Variants in CUL2 observed in about 807,000 individuals in gnomAD.
CUL2 encodes the protein cullin 2.
CUL2 carries 22 observed loss-of-function variants against 110.2 expected under a neutral mutation model. That is an observed-to-expected ratio of 0.20 (90% confidence interval 0.14 to 0.28). The LOEUF (loss-of-function observed/expected upper bound fraction) is 0.28, where lower values mean the gene tolerates loss of function less well. Ranked by LOEUF, CUL2 falls within the 10% of genes least tolerant of loss-of-function variation. The pLI, the probability that CUL2 is intolerant of heterozygous loss-of-function variation, is 1.00. For missense variants in CUL2, 631 were observed against 905.5 expected (o/e 0.70, Z 3.89); for synonymous variants, 279 against 293.2 (o/e 0.95, Z 0.49).
chr10:35,059,939 A>G (rs1384601684), intron 4 of CUL2, among the ~76,000 whole-genome samples: 1 of 152,216 alleles, frequency 6.6e-6, no homozygotes, highest in African/African-American at 2.4e-5. Context: ...AACATTTACT[A>G]AAAGTTCACA....
intron 5 of CUL2, among the ~76,000 whole-genome samples, chr10:35,050,869 C>T (rs2086085301): frequency 6.6e-6 from 1 of 152,234 alleles, no homozygotes; most frequent in African/African-American, 2.4e-5. Flanking sequence ...ACTGAACAAT[C>T]AAGTGCTCAT....
chr10:35,052,563 GA>G (rs2134863608), intron 5 of CUL2, among the ~76,000 whole-genome samples: 1 of 152,234 alleles, frequency 6.6e-6, no homozygotes, highest in African/African-American at 2.4e-5. Flanking sequence ...ATGAATAAAT[GA>G]ATAGTGGTGT....
chr10:35,088,709 A>G (rs115467743), intron 1 of CUL2, among the ~76,000 whole-genome samples: 385 of 152,264 alleles, frequency 2.5e-3, no homozygotes, highest in African/African-American at 8.9e-3. Flanking sequence ...CTTCACATTT[A>G]TAGAACACTG....
intron 1 of CUL2, among the ~76,000 whole-genome samples, chr10:35,121,008 C>A (rs1199606528): frequency 1.3e-5 from 2 of 152,140 alleles, no homozygotes; most frequent in Non-Finnish European, 2.9e-5. Flanking sequence ...TCCTTCATAT[C>A]CCTTTCTAAG....
chr10:35,048,436 A>T (rs1347411463), intron 6 of CUL2, among the ~76,000 whole-genome samples: 1 of 152,248 alleles, frequency 6.6e-6, no homozygotes, highest in African/African-American at 2.4e-5. Flanking sequence ...CTAAAAATTT[A>T]CTAGGTTGGG....
intron 1 of CUL2, among the ~76,000 whole-genome samples, chr10:35,107,299 A>G (rs1399467985): frequency 6.6e-6 from 1 of 152,094 alleles, no homozygotes; most frequent in Non-Finnish European, 1.5e-5. Context: ...TTGAAAGCAG[A>G]GTGATTATGA....
At chr10:35,098,768 TA>T (rs974345834) in intron 2 of CUL2, among the ~76,000 whole-genome samples, 1 of 150,812 alleles carries the variant, frequency 6.6e-6, no homozygotes, top group Non-Finnish European at 1.5e-5. Flanking sequence ...CCATCTCTAC[TA>T]AAAAAAACCA....
chr10:35,098,728 C>T (rs1048110443), intron 2 of CUL2, among the ~76,000 whole-genome samples: 3 of 151,424 alleles, frequency 2.0e-5, no homozygotes, highest in African/African-American at 2.4e-5. Flanking sequence ...GTCAGGAGTT[C>T]GAGACCAACC....
chr10:35,027,651 G>A (rs542542461), intron 16 of CUL2, among the ~76,000 whole-genome samples: 3 of 152,008 alleles, frequency 2.0e-5, no homozygotes, highest in Non-Finnish European at 4.4e-5. Context: ...TCATCACTAA[G>A]GCAGGATGGA....
chr10:35,029,004 T>C (rs1441520212), intron 15 of CUL2, 117 bp from the exon 16 acceptor site: 14 of 640,734 alleles, frequency 2.2e-5, no homozygotes, highest in Non-Finnish European at 3.2e-5. Flanking sequence ...AAAATGTTGA[T>C]GAAATCTGAG....
At chr10:35,020,901 C>T (rs1564698197) in intron 17 of CUL2, among the ~76,000 whole-genome samples, 2 of 151,828 alleles carry the variant, frequency 1.3e-5, no homozygotes, top group African/African-American at 4.8e-5. Context: ...GTTGGAAATA[C>T]ACTCTCAACA....
intron 8 of CUL2, among the ~76,000 whole-genome samples, chr10:35,039,778 C>T (rs1474466977): frequency 6.6e-6 from 1 of 152,104 alleles, no homozygotes; most frequent in Non-Finnish European, 1.5e-5. Flanking sequence ...TCACTTCATC[C>T]CGGGAGGTGG....
At chr10:35,092,550 T>C (rs1007544030), upstream of CUL2, among the ~76,000 whole-genome samples, 1 of 152,236 alleles carries the variant, frequency 6.6e-6, no homozygotes, top group African/African-American at 2.4e-5. Flanking sequence ...CAAAGTGGGA[T>C]GGCTGTCTTG....
chr10:35,102,499 G>A (rs932101959), intron 1 of CUL2, among the ~76,000 whole-genome samples: 1 of 152,080 alleles, frequency 6.6e-6, no homozygotes, highest in East Asian at 1.9e-4. Context: ...TGGAACCTGG[G>A]AGGCAGAGGT....
At chr10:35,042,545 G>A (rs1242193604) in intron 8 of CUL2, among the ~76,000 whole-genome samples, 1 of 151,994 alleles carries the variant, frequency 6.6e-6, no homozygotes, top group Non-Finnish European at 1.5e-5. Context: ...TCTGACTGTG[G>A]GTCATAAGAC....
Position 35,116,688 on chromosome 10 carries a change from T to A in CUL2, c.-51+9917A>T, listed in dbSNP as rs189101600. 5.7e-4 allele frequency among the ~76,000 whole-genome samples: 87 copies of A among 152,266 alleles called. 1 individual carries two copies. The highest frequency in any genetic ancestry group is 1.0e-3 in the Non-Finnish European group (68 of 68,022). On this transcript the variant is annotated intron_variant, in intron 1 of 5. Transcript: ENST00000685421. ...CTCAGTAAATATTAGATGCTCTGGC[T>A]GGGCATGGTGGCTCAAGCCTGTAAT...
At chr10:35,072,002 G>A (rs914428383) in intron 1 of CUL2, among the ~76,000 whole-genome samples, 1 of 152,160 alleles carries the variant, frequency 6.6e-6, no homozygotes, top group Non-Finnish European at 1.5e-5. Context: ...GGGAAATAAT[G>A]CAGGACATTC....
intron 17 of CUL2, among the ~76,000 whole-genome samples, chr10:35,021,747 A>G (rs1044099824): frequency 7.1e-6 from 1 of 140,042 alleles, no homozygotes; most frequent in Admixed American, 7.2e-5. Context: ...CGGGAGGCAG[A>G]GGCTAATGTG....
At chr10:35,109,202 T>C (rs182189996) in intron 1 of CUL2, among the ~76,000 whole-genome samples, 15 of 152,222 alleles carry the variant, frequency 9.9e-5, no homozygotes, top group African/African-American at 3.1e-4. Context: ...TTAAGAAACA[T>C]TTAAAAAATG....
Sources: gnomAD v4.1 joint callset for allele counts (sites outside exome capture counted in the v4.1 genomes callset) on GRCh38, gnomAD v4.1.1 for gene constraint, MANE v1.5 for transcripts, NCBI Gene and HGNC (gene_info 2026-07-23, HGNC 2026-07-21) for gene names.